ZNF148: variants seen among roughly 807,000 people sequenced by gnomAD.
ZNF148 encodes the protein zinc finger protein 148.
In ZNF148, 7 loss-of-function variants were observed where a neutral mutation model predicts 67.7. The observed-to-expected ratio is 0.10, with a 90% CI of 0.06 to 0.19. ZNF148 has a LOEUF of 0.19. Among genes scored for constraint, ZNF148 ranks in the 10% least tolerant of loss-of-function variants. The probability of loss-of-function intolerance (pLI) is 1.00; values close to 1 mark genes in which losing one functional copy is unlikely to be tolerated. For synonymous variants in ZNF148, 333 were observed against 330.7 expected, an observed-to-expected ratio of 1.01 and a Z score of -0.08; for missense variants, 583 against 947.1, an observed-to-expected ratio of 0.62 and a Z score of 5.05.
chr3:125,252,420 T>C (rs908588665), intron 7 of ZNF148, among the ~76,000 whole-genome samples: 2 of 152,120 alleles, frequency 1.3e-5, no homozygotes, highest in Non-Finnish European at 2.9e-5. Context: ...CCAGAAATGA[T>C]TTTTGTATAT....
At chr3:125,269,817 G>C (rs779114361) in intron 7 of ZNF148, among the ~76,000 whole-genome samples, 2 of 152,170 alleles carry the variant, frequency 1.3e-5, no homozygotes, top group Non-Finnish European at 2.9e-5. Flanking sequence ...CATGGATGCA[G>C]CTGGAGTCAA....
rs569082369 is a variant in ZNF148 at position 125,313,557 on chromosome 3, T to C, written c.84A>G (p.Val28=). ...DEMQSSRTMV[V]MGGVSGQSTV... ...TAGACTGGCCAGACACTCCACCCAT[T>C]ACAACCATTGTCCTGGAAGACTGCA... The change falls in exon 4 of 9, where the codon GTA becomes GTG. Residue 28 remains valine (V), a synonymous_variant. Transcript: ENST00000360647. 1 of 1,614,204 alleles carries C rather than the reference T, an allele frequency of 6.2e-7. No individual in the cohort carries two copies. The highest frequency in any genetic ancestry group is 1.7e-5 in the Admixed American group (1 of 60,028).
At chr3:125,299,868 T>G (rs897824156) in intron 4 of ZNF148, among the ~76,000 whole-genome samples, 1 of 152,194 alleles carries the variant, frequency 6.6e-6, no homozygotes, top group Non-Finnish European at 1.5e-5. Context: ...AAACTAGAGT[T>G]GAAGTTAGTT....
In ZNF148 at chr3:125,291,347, T is replaced by C. The variant is rs78079322; in HGVS notation, c.334-3119A>G. ...AGACTGTTGCCTATAGTATTCATTATCAGCTCCCCAGCTCAGCTTTCAAAA... is the reference window on the plus strand; with the variant it reads ...AGACTGTTGCCTATAGTATTCATTACCAGCTCCCCAGCTCAGCTTTCAAAA... On this transcript the variant is annotated intron_variant, in intron 4 of 8. Transcript: ENST00000360647. Among the ~76,000 whole-genome samples, 843 of 152,296 alleles carry C rather than the reference T, an allele frequency of 5.5e-3. 7 individuals carry two copies. Among genetic ancestry groups the C allele is most frequent in the African/African-American group, 0.019 (797 of 41,566 alleles).
intron 1 of ZNF148, among the ~76,000 whole-genome samples, chr3:125,369,787 C>T (rs1385260425): frequency 6.6e-6 from 1 of 152,034 alleles, no homozygotes; most frequent in Admixed American, 6.5e-5. Context: ...ACCAGCCTGG[C>T]CAGAATGGTG....
At chr3:125,257,178 T>G (rs1005084805) in intron 7 of ZNF148, among the ~76,000 whole-genome samples, 5 of 152,160 alleles carry the variant, frequency 3.3e-5, no homozygotes, top group Admixed American at 1.3e-4. Context: ...GTTCTGTCAC[T>G]TAGCATGGAC....
chr3:125,368,110 A>C (rs536847458), intron 1 of ZNF148, among the ~76,000 whole-genome samples: 2 of 152,348 alleles, frequency 1.3e-5, no homozygotes, highest in African/African-American at 4.8e-5. Flanking sequence ...ACCTTAGCCA[A>C]TGTTCATTTC....
Position 125,233,531 on chromosome 3 carries a change from T to G in ZNF148, c.1195A>C (p.Arg399=). The G allele has an allele frequency of 1.2e-6, 2 of 1,613,918 alleles. No individual in the cohort carries two copies. The highest frequency in any genetic ancestry group is 1.7e-6 in the Non-Finnish European group (2 of 1,179,940). Residue 399 remains arginine (R), a synonymous_variant, in exon 9 of 9, where the codon AGA becomes CGA. Transcript: ENST00000360647. The surrounding 1 kb of genome is among the most constrained non-coding windows in gnomAD (Gnocchi z 5.1). ...TGCTCCAGTGGCTGTTTCAGACTTC[T>G]CTTACTATTAATTTTTTTGAGAACT... is the stretch of plus-strand genomic sequence containing the variant. The part of the protein sequence containing the change: ...KLVLKKINSK[R]SLKQPLEQNQ...
intron 7 of ZNF148, among the ~76,000 whole-genome samples, chr3:125,245,228 T>C (rs998854389): frequency 6.6e-6 from 1 of 152,034 alleles, no homozygotes; most frequent in African/African-American, 2.4e-5. Context: ...ATCCCCATAA[T>C]CCCCATGTGT....
intron 7 of ZNF148, among the ~76,000 whole-genome samples, chr3:125,250,819 T>C (rs1415722946): frequency 6.6e-6 from 1 of 151,680 alleles, no homozygotes; most frequent in East Asian, 1.9e-4. Flanking sequence ...TCTCTATATT[T>C]CCTTTCTCCT....
intron 4 of ZNF148, among the ~76,000 whole-genome samples, chr3:125,306,759 C>T (rs1939900549): frequency 6.6e-6 from 1 of 151,956 alleles, no homozygotes; most frequent in African/African-American, 2.4e-5. Flanking sequence ...ACTTGGGAAG[C>T]TGAGGTGGGA....
intron 2 of ZNF148, among the ~76,000 whole-genome samples, chr3:125,330,752 T>C (rs1183334092): frequency 6.6e-6 from 1 of 152,136 alleles, no homozygotes; most frequent in South Asian, 2.1e-4. Context: ...CTGACATATA[T>C]GTAAACTCCT....
intron 3 of ZNF148, among the ~76,000 whole-genome samples, chr3:125,320,367 A>T (rs1187374469): frequency 6.6e-6 from 1 of 152,224 alleles, no homozygotes; most frequent in Non-Finnish European, 1.5e-5. Flanking sequence ...ATGCTCTAAA[A>T]TTTTTTAAAG....
At position 125,277,814 on chromosome 3, in the gene ZNF148, A is replaced by G; in HGVS notation, c.584-5T>C. The G allele has an allele frequency of 1.2e-6, 2 of 1,603,844 alleles. No homozygotes were observed. Among genetic ancestry groups the G allele is most frequent in the Non-Finnish European group, 1.7e-6 (2 of 1,175,616 alleles). On this transcript the variant is annotated splice_region_variant and splice_polypyrimidine_tract_variant and intron_variant, in intron 6 of 8. Coordinates refer to ENST00000360647, the MANE Select transcript of ZNF148 (RefSeq NM_021964.3). ...TACATTGAAATGGTTTTTCACCTTA[A>G]AATAATTTCACATCCACAAATTAGT...
In ZNF148 at chr3:125,232,710, A is replaced by T. The variant is rs1200534582; in HGVS notation, c.2016T>A (p.Asp672Glu). The T allele has an allele frequency of 6.2e-7, 1 of 1,613,924 alleles. No homozygotes were observed. The highest frequency in any genetic ancestry group is 2.2e-5 in the East Asian group (1 of 44,884). Residue 672 changes from aspartate (D) to glutamate (E), a missense_variant, in exon 9 of 9, where the codon GAT becomes GAA. Coordinates refer to ENST00000360647, the MANE Select transcript of ZNF148 (RefSeq NM_021964.3). The surrounding 1 kb of genome is among the most constrained non-coding windows in gnomAD (Gnocchi z 4.2). ...GMNSPLRTTP[D>E]KSHFGLIVGD... ...CAACTATTAGTCCAAAGTGGGACTT[A>T]TCTGGAGTTGTTCTTAGTGGAGAAT...
intron 1 of ZNF148, among the ~76,000 whole-genome samples, chr3:125,347,128 A>T (rs1941973065): frequency 6.6e-6 from 1 of 152,198 alleles, no homozygotes; most frequent in South Asian, 2.1e-4. Context: ...TTGGTAATAA[A>T]TTTAACAAAA....
intron 1 of ZNF148, among the ~76,000 whole-genome samples, chr3:125,332,152 A>T (rs1051297474): frequency 6.6e-6 from 1 of 152,222 alleles, no homozygotes; most frequent in Non-Finnish European, 1.5e-5. Flanking sequence ...TTTATCAAGG[A>T]CTACAAACAG....
chr3:125,276,061 A>T (rs1938045752), intron 7 of ZNF148, among the ~76,000 whole-genome samples: 1 of 152,218 alleles, frequency 6.6e-6, no homozygotes, highest in East Asian at 1.9e-4. Context: ...AACTCCAAAG[A>T]AAGAAACTGC....
intron 7 of ZNF148, among the ~76,000 whole-genome samples, chr3:125,253,820 T>G (rs1463108436): frequency 6.6e-6 from 1 of 152,162 alleles, no homozygotes; most frequent in Admixed American, 6.5e-5. Flanking sequence ...CAGTTAATAC[T>G]CTACATAGAA....
Sources: gnomAD v4.1 joint callset for allele counts (sites outside exome capture counted in the v4.1 genomes callset) on GRCh38, gnomAD v4.1.1 for gene constraint, Gnocchi (gnomAD v3.1) non-coding constraint, MANE v1.5 for transcripts, NCBI Gene and HGNC (gene_info 2026-07-23, HGNC 2026-07-21) for gene names.